LRRC4C: variants seen among roughly 807,000 people sequenced by gnomAD.
LRRC4C encodes the protein leucine-rich repeat-containing protein 4C.
Under a neutral mutation model 33.6 loss-of-function variants are expected in LRRC4C, and 5 were observed. That is an observed-to-expected ratio of 0.15 (90% CI 0.08 to 0.31). The LOEUF (loss-of-function observed/expected upper bound fraction) is 0.31. LRRC4C is among the 10% of genes least tolerant of loss of function. The probability of loss-of-function intolerance (pLI) is 1.00; values close to 1 mark genes in which losing one functional copy is unlikely to be tolerated. For missense variants in LRRC4C, 560 were observed against 796.7 expected, an observed-to-expected ratio of 0.70 and a Z score of 3.58; for synonymous variants, 329 against 302.0, an observed-to-expected ratio of 1.09 and a Z score of -0.93.
chr11:41,119,436 G>C (rs893679811), intron 1 of LRRC4C, among the ~76,000 whole-genome samples: 2 of 152,136 alleles, frequency 1.3e-5, no homozygotes, highest in African/African-American at 4.8e-5. Flanking sequence ...CAAGACATTG[G>C]AATAATTTAA....
chr11:40,325,052 T>TTTA (rs926987329), intron 3 of LRRC4C, among the ~76,000 whole-genome samples: 11 of 152,116 alleles, frequency 7.2e-5, no homozygotes, highest in African/African-American at 2.7e-4. Flanking sequence ...CCATTATTAC[T>TTTA]TTATTATTAT....
At chr11:41,220,424 A>G (rs558586060) in intron 1 of LRRC4C, among the ~76,000 whole-genome samples, 1 of 152,118 alleles carries the variant, frequency 6.6e-6, no homozygotes, top group Admixed American at 6.5e-5. Context: ...CTGCTGTGCA[A>G]CATTCAACTT....
At chr11:41,000,505 T>G (rs990559206) in intron 1 of LRRC4C, among the ~76,000 whole-genome samples, 10 of 152,176 alleles carry the variant, frequency 6.6e-5, no homozygotes, top group African/African-American at 2.2e-4. Context: ...TGTATATGTT[T>G]ATTAATTAGT....
chr11:40,929,640 A>AGTCTCGCTCT (rs1392702296), intron 2 of LRRC4C, among the ~76,000 whole-genome samples: 5 of 152,042 alleles, frequency 3.3e-5, no homozygotes, highest in African/African-American at 1.2e-4. Flanking sequence ...TTTGAGACAG[A>AGTCTCGCTCT]GTCTCGCTCT....
At chr11:41,390,439 C>A (rs986202090) in intron 1 of LRRC4C, among the ~76,000 whole-genome samples, 1 of 151,834 alleles carries the variant, frequency 6.6e-6, no homozygotes, top group African/African-American at 2.4e-5. Flanking sequence ...CTAGTACCCA[C>A]CTGCCTGTCA....
At chr11:40,861,699 T>C (rs1954110561) in intron 2 of LRRC4C, among the ~76,000 whole-genome samples, 1 of 152,186 alleles carries the variant, frequency 6.6e-6, no homozygotes. Flanking sequence ...CTGGGTAATT[T>C]ATAAAGAAAT....
In LRRC4C at chr11:40,761,765, C is replaced by T. The variant is rs76284180; in HGVS notation, c.-406-113487G>A. Among the ~76,000 whole-genome samples, 840 of 152,228 alleles carry T rather than the reference C, an allele frequency of 5.5e-3. 8 individuals carry two copies. Among genetic ancestry groups the T allele is most frequent in the African/African-American group, 0.018 (727 of 41,542 alleles). ...GCCAGTTTTTGGTCAGCTGCTGTAT[C>T]TTAAGGTGAGGCATCAGGGAACAGT... is the stretch of plus-strand genomic sequence containing the variant. On this transcript the variant is annotated intron_variant, in intron 2 of 6. Transcript: ENST00000528697.
chr11:41,326,340 AG>A (rs1353038960), intron 1 of LRRC4C, among the ~76,000 whole-genome samples: 1 of 152,160 alleles, frequency 6.6e-6, no homozygotes. Context: ...TACAGACTGA[AG>A]GCTGCACTGT....
chr11:40,459,160 C>G (rs1952272446), intron 3 of LRRC4C, among the ~76,000 whole-genome samples: 2 of 152,182 alleles, frequency 1.3e-5, no homozygotes, highest in African/African-American at 4.8e-5. Flanking sequence ...TGCATATACA[C>G]AATCATTGAC....
rs187450370 is a variant in LRRC4C, at chr11:40,272,267, C to T, written c.-175-30669G>A. Among the ~76,000 whole-genome samples, 139 of 152,162 alleles carry T rather than the reference C, an allele frequency of 9.1e-4. 1 individual carries two copies. In the Middle Eastern group the frequency reaches 0.031, roughly 34 times the overall value. Reference sequence around the variant, plus strand: ...AAGAAAAACAAATACAAAGGTCATTCGCTAACTGTGGAATACTATGAATCC... The same window carrying T: ...AAGAAAAACAAATACAAAGGTCATTTGCTAACTGTGGAATACTATGAATCC... On this transcript the variant is annotated intron_variant, in intron 4 of 6. Transcript: ENST00000528697.
chr11:40,722,126 A>C (rs1443509123), intron 2 of LRRC4C, among the ~76,000 whole-genome samples: 1 of 152,200 alleles, frequency 6.6e-6, no homozygotes, highest in African/African-American at 2.4e-5. Context: ...TTCTATTTCT[A>C]GGAAGTGTGC....
At chr11:41,002,202 C>T (rs1854429508) in intron 1 of LRRC4C, among the ~76,000 whole-genome samples, 1 of 152,134 alleles carries the variant, frequency 6.6e-6, no homozygotes, top group Non-Finnish European at 1.5e-5. Flanking sequence ...GATGGAGTCT[C>T]ATGGAGTAAA....
intron 3 of LRRC4C, among the ~76,000 whole-genome samples, chr11:40,423,569 C>T (rs201262338): frequency 1.3e-5 from 2 of 151,930 alleles, no homozygotes; most frequent in South Asian, 2.1e-4. Flanking sequence ...TGGTCTCGAT[C>T]TCCTGACCTC....
intron 1 of LRRC4C, among the ~76,000 whole-genome samples, chr11:41,173,667 C>T (rs1945073605): frequency 6.6e-6 from 1 of 152,064 alleles, no homozygotes. Context: ...TGTCTCTCTC[C>T]ATTGACACCA....
intron 3 of LRRC4C, among the ~76,000 whole-genome samples, chr11:40,633,545 C>A (rs992292173): frequency 1.6e-4 from 25 of 151,608 alleles, no homozygotes; most frequent in Non-Finnish European, 2.9e-4. Context: ...CCCACCACCA[C>A]GCCTGGCTAA....
chr11:40,438,623 A>G (rs533023325), intron 3 of LRRC4C, among the ~76,000 whole-genome samples: 5 of 152,332 alleles, frequency 3.3e-5, no homozygotes, highest in Non-Finnish European at 7.3e-5. Context: ...GGACTCTGGA[A>G]GAGAAGAAAA....
chr11:41,442,269 A>G (rs1187722096), intron 1 of LRRC4C, among the ~76,000 whole-genome samples: 15 of 151,988 alleles, frequency 9.9e-5, no homozygotes, highest in Non-Finnish European at 1.3e-4. Flanking sequence ...ATACAAAGTC[A>G]AACTGCTTTC....
At chr11:41,363,310 T>C (rs1952421981) in intron 1 of LRRC4C, among the ~76,000 whole-genome samples, 1 of 152,210 alleles carries the variant, frequency 6.6e-6, no homozygotes, top group Non-Finnish European at 1.5e-5. Flanking sequence ...CATAGGTTAC[T>C]CTTCAGAATA....
chr11:41,155,871 C>T (rs1255749141), intron 1 of LRRC4C, among the ~76,000 whole-genome samples: 2 of 152,068 alleles, frequency 1.3e-5, no homozygotes, highest in Admixed American at 6.6e-5. Flanking sequence ...TGATGCTTTT[C>T]ACCCATAAAT....
Sources: gnomAD v4.1 joint callset for allele counts (sites outside exome capture counted in the v4.1 genomes callset) on GRCh38, gnomAD v4.1.1 for gene constraint, MANE v1.5 for transcripts, NCBI Gene and HGNC (gene_info 2026-07-23, HGNC 2026-07-21) for gene names.